GRID1: variants seen among roughly 807,000 people sequenced by gnomAD.
GRID1 encodes glutamate ionotropic receptor delta type subunit 1, also known as glutamate receptor ionotropic, delta-1.
GRID1 carries 28 observed loss-of-function variants against 98.0 expected under a neutral mutation model. That is an observed-to-expected ratio of 0.29 (90% CI 0.21 to 0.39). GRID1 has a LOEUF of 0.39. GRID1 is among the 10% of genes least tolerant of loss of function. GRID1 has a pLI of 1.00. For missense variants in GRID1, 1,111 were observed against 1,340.5 expected (o/e 0.83, Z 2.67); for synonymous variants, 553 against 538.5 (o/e 1.03, Z -0.37).
chr10:85,876,378 T>C (rs1843331861), intron 5 of GRID1, among the ~76,000 whole-genome samples: 1 of 152,078 alleles, frequency 6.6e-6, no homozygotes, highest in Admixed American at 6.5e-5. Context: ...TTGCATCACC[T>C]CTTCTTCTTT....
At chr10:86,131,940 C>T (rs1485338108) in intron 4 of GRID1, among the ~76,000 whole-genome samples, 1 of 152,084 alleles carries the variant, frequency 6.6e-6, no homozygotes, top group Non-Finnish European at 1.5e-5. Flanking sequence ...GAAAGATTAA[C>T]AGGCCCCAGT....
chr10:85,651,769 T>C (rs1486292346), intron 12 of GRID1, among the ~76,000 whole-genome samples: 1 of 152,206 alleles, frequency 6.6e-6, no homozygotes, highest in Non-Finnish European at 1.5e-5. Flanking sequence ...CACTGGCTCA[T>C]GAAATGTCAT....
chr10:85,795,864 G>A (rs1267772740), intron 8 of GRID1, among the ~76,000 whole-genome samples: 1 of 152,136 alleles, frequency 6.6e-6, no homozygotes, highest in Non-Finnish European at 1.5e-5. Flanking sequence ...TGATTCAGAG[G>A]ACATGTTTAT....
intron 8 of GRID1, among the ~76,000 whole-genome samples, chr10:85,831,146 A>T (rs910244512): frequency 5.3e-5 from 8 of 152,118 alleles, no homozygotes; most frequent in Admixed American, 5.2e-4. Flanking sequence ...AAATGAGATC[A>T]TGTCCTTTGC....
intron 2 of GRID1, among the ~76,000 whole-genome samples, chr10:86,310,484 T>C (rs1847817985): frequency 6.6e-6 from 1 of 152,164 alleles, no homozygotes. Context: ...CCAACTTGTG[T>C]CTGACACCAC....
chr10:85,717,046 G>C (rs565269134), intron 12 of GRID1, among the ~76,000 whole-genome samples: 2 of 152,284 alleles, frequency 1.3e-5, no homozygotes, highest in Admixed American at 6.5e-5. Context: ...ATAATGTACA[G>C]CATGGTGCTA....
In GRID1 at chr10:85,743,104, AG is replaced by A. The variant is rs1427559006; in HGVS notation, c.1234-13491del. Among the ~76,000 whole-genome samples, 224 of 76,074 alleles carry A rather than the reference AG, an allele frequency of 2.9e-3. 3 individuals are homozygous for A. Among genetic ancestry groups the A allele is most frequent in the African/African-American group, 7.9e-3 (196 of 24,780 alleles). 49.9% of individuals were successfully genotyped at this position (76,074 alleles called of 152,430 possible). On this transcript the variant is annotated intron_variant, in intron 8 of 15. Coordinates refer to ENST00000327946, the MANE Select transcript of GRID1 (RefSeq NM_017551.3). ...AAACCCTTGGAGGATAGAATTATGC[AG>A]CCCCCCCCCCCACCACCCATTGAGA...
chr10:85,701,646 C>A (rs1341310307), intron 12 of GRID1, among the ~76,000 whole-genome samples: 1 of 152,128 alleles, frequency 6.6e-6, no homozygotes, highest in Non-Finnish European at 1.5e-5. Context: ...AATCAACCCA[C>A]CTGTTTATGG....
intron 8 of GRID1, among the ~76,000 whole-genome samples, chr10:85,746,571 C>A (rs1841999551): frequency 1.3e-5 from 2 of 152,134 alleles, no homozygotes; most frequent in South Asian, 2.1e-4. Flanking sequence ...GACCGTTGCA[C>A]TGGGGCAAGC....
chr10:86,139,383 A>C (rs1016974916), intron 3 of GRID1, among the ~76,000 whole-genome samples: 15 of 152,126 alleles, frequency 9.9e-5, no homozygotes, highest in African/African-American at 3.4e-4. Flanking sequence ...TGGCCCTAGC[A>C]TCCCCAGTCC....
chr10:86,259,151 C>T (rs887750352), intron 2 of GRID1, among the ~76,000 whole-genome samples: 123 of 152,360 alleles, frequency 8.1e-4, no homozygotes, highest in African/African-American at 2.9e-3. Context: ...GCCCTTAAAG[C>T]TGCAGGAGGA....
At chr10:85,762,506 T>G (rs1380182064) in intron 8 of GRID1, among the ~76,000 whole-genome samples, 1 of 152,208 alleles carries the variant, frequency 6.6e-6, no homozygotes, top group Non-Finnish European at 1.5e-5. Flanking sequence ...TCCCAGACAT[T>G]CTACTGTGGA....
intron 5 of GRID1, among the ~76,000 whole-genome samples, chr10:85,898,753 C>T (rs1237999949): frequency 6.6e-6 from 1 of 152,116 alleles, no homozygotes; most frequent in African/African-American, 2.4e-5. Flanking sequence ...GATGACAATG[C>T]TTTATTCTGG....
chr10:85,711,595 A>T (rs898634268), intron 12 of GRID1, among the ~76,000 whole-genome samples: 1 of 151,894 alleles, frequency 6.6e-6, no homozygotes, highest in African/African-American at 2.4e-5. Flanking sequence ...ACTAAACTAT[A>T]CATTTAGAAA....
intron 6 of GRID1, among the ~76,000 whole-genome samples, chr10:85,860,736 T>C (rs560236747): frequency 2.6e-5 from 4 of 152,288 alleles, no homozygotes; most frequent in South Asian, 4.1e-4. Context: ...GTCTCCACAG[T>C]AGTGCGTGGA....
rs1304531091 is a variant in GRID1, at chr10:86,350,718, C to T, written c.235+13223G>A. Among the ~76,000 whole-genome samples the T allele has an allele frequency of 2.0e-5, 3 of 152,152 alleles. No homozygotes were observed. The East Asian group carries it at 5.8e-4, about 29-fold the overall frequency. ...GTACAGAGTGATATTTCAATACATG[C>T]GTACAATGTGTAATGATCACATCAG... On this transcript the variant is annotated intron_variant, in intron 2 of 15. Coordinates refer to ENST00000327946, the MANE Select transcript of GRID1 (RefSeq NM_017551.3).
Position 86,101,462 on chromosome 10 carries a change from C to A in GRID1, c.726+37357G>T, listed in dbSNP as rs1003566518. Among the ~76,000 whole-genome samples the A allele has an allele frequency of 5.9e-5, 9 of 152,056 alleles. No homozygotes were observed. In the East Asian group the frequency reaches 1.7e-3, roughly 29 times the overall value. ...TCCTATCCCTAGGCCTGGAAAACAC[C>A]AATGAGTTTTCTGCCCCTATAGTTT... On this transcript the variant is annotated intron_variant, in intron 4 of 15. Coordinates refer to ENST00000327946, the MANE Select transcript of GRID1 (RefSeq NM_017551.3).
intron 2 of GRID1, among the ~76,000 whole-genome samples, chr10:86,354,721 C>T (rs970783448): frequency 4.6e-5 from 7 of 152,212 alleles, no homozygotes; most frequent in South Asian, 2.1e-4. Context: ...GGCCAGGTCC[C>T]GGGGAGGCAG....
chr10:85,620,187 C>T (rs1590162548), intron 13 of GRID1, among the ~76,000 whole-genome samples, 154 bp from the exon 14 acceptor site: 1 of 152,230 alleles, frequency 6.6e-6, no homozygotes, highest in African/African-American at 2.4e-5. Flanking sequence ...TGTTTTCTGG[C>T]CTACAAATGC....
Sources: gnomAD v4.1 joint callset for allele counts (sites outside exome capture counted in the v4.1 genomes callset) on GRCh38, gnomAD v4.1.1 for gene constraint, MANE v1.5 for transcripts, NCBI Gene and HGNC (gene_info 2026-07-23, HGNC 2026-07-21) for gene names.